NT5DC1: variants seen among roughly 807,000 people sequenced by gnomAD.
The protein encoded by NT5DC1 is 5'-nucleotidase domain-containing protein 1.
NT5DC1 carries 42 observed loss-of-function variants against 59.4 expected under a neutral mutation model. That is an observed-to-expected ratio of 0.71 (90% confidence interval 0.55 to 0.92). The LOEUF is 0.92. Among genes scored for constraint, NT5DC1 ranks in the 40% least tolerant of loss-of-function variants. The probability of loss-of-function intolerance (pLI) is 0.00; values close to 1 mark genes in which losing one functional copy is unlikely to be tolerated. For missense variants in NT5DC1, 501 were observed against 537.1 expected (o/e 0.93, Z 0.66); for synonymous variants, 172 against 188.1 (o/e 0.91, Z 0.70).
intron 6 of NT5DC1, among the ~76,000 whole-genome samples, chr6:116,172,633 A>G (rs1780636968): frequency 6.6e-6 from 1 of 152,136 alleles, no homozygotes; most frequent in African/African-American, 2.4e-5. Context: ...CCTTAGTAAC[A>G]TATATACTTT....
intron 6 of NT5DC1, among the ~76,000 whole-genome samples, chr6:116,175,834 C>G (rs1780722468): frequency 6.6e-6 from 1 of 152,014 alleles, no homozygotes; most frequent in Non-Finnish European, 1.5e-5. Flanking sequence ...TCACTAGATC[C>G]TTTAACAGTT....
intron 8 of NT5DC1, among the ~76,000 whole-genome samples, chr6:116,234,900 C>T (rs1169752758): frequency 1.3e-5 from 2 of 152,104 alleles, no homozygotes; most frequent in African/African-American, 2.4e-5. Context: ...GCTGTGGAGG[C>T]TCTGCCAAAA....
At chr6:116,127,403 C>T (rs1416891045) in intron 6 of NT5DC1, among the ~76,000 whole-genome samples, 1 of 152,118 alleles carries the variant, frequency 6.6e-6, no homozygotes, top group Non-Finnish European at 1.5e-5. Context: ...AAAAAATTTA[C>T]ATTGTTGTAT....
chr6:116,232,057 C>T (rs545095855), intron 8 of NT5DC1, among the ~76,000 whole-genome samples: 2 of 152,208 alleles, frequency 1.3e-5, no homozygotes, highest in Admixed American at 1.3e-4. Context: ...CTTCTAAGGC[C>T]TCTCTCTTCT....
At chr6:116,136,160 G>A (rs1779596102) in intron 6 of NT5DC1, among the ~76,000 whole-genome samples, 1 of 151,848 alleles carries the variant, frequency 6.6e-6, no homozygotes, top group South Asian at 2.1e-4. Flanking sequence ...ACTTTTTTAG[G>A]TTACACGTAT....
chr6:116,150,203 G>A (rs1780003718), intron 6 of NT5DC1, among the ~76,000 whole-genome samples: 1 of 152,138 alleles, frequency 6.6e-6, no homozygotes, highest in Admixed American at 6.5e-5. Flanking sequence ...ACATTACTAT[G>A]GCTTTCACAT....
intron 6 of NT5DC1, among the ~76,000 whole-genome samples, chr6:116,214,406 A>G (rs1781649675): frequency 6.6e-6 from 1 of 152,176 alleles, no homozygotes; most frequent in African/African-American, 2.4e-5. Flanking sequence ...AACGTTAAAT[A>G]TGCATAATCT....
At chr6:116,139,232 T>G (rs575312242) in intron 6 of NT5DC1, among the ~76,000 whole-genome samples, 15 of 152,214 alleles carry the variant, frequency 9.9e-5, no homozygotes, top group South Asian at 4.1e-4. Flanking sequence ...GTGGATTTTT[T>G]GGGGGAAAGA....
intron 6 of NT5DC1, among the ~76,000 whole-genome samples, chr6:116,147,005 A>G (rs928313627): frequency 2.7e-5 from 4 of 148,148 alleles, no homozygotes; most frequent in Non-Finnish European, 6.0e-5. Flanking sequence ...TATAAAATAT[A>G]TATATATATT....
At chr6:116,138,777 T>C (rs1430097339) in intron 6 of NT5DC1, among the ~76,000 whole-genome samples, 1 of 152,140 alleles carries the variant, frequency 6.6e-6, no homozygotes, top group African/African-American at 2.4e-5. Context: ...TTGTATAGAA[T>C]TGTATATTTA....
chr6:116,197,008 G>T (rs1004063858), intron 6 of NT5DC1, among the ~76,000 whole-genome samples: 1 of 151,526 alleles, frequency 6.6e-6, no homozygotes, highest in Non-Finnish European at 1.5e-5. Context: ...CAGACCTGGT[G>T]TCTGAGGGCT....
chr6:116,163,141 A>AAAAAATAT lies in NT5DC1; in HGVS notation c.529+45197_529+45198insAAAATATA, dbSNP rs761718922. Among the ~76,000 whole-genome samples, 425 of 88,310 alleles carry AAAAAATAT rather than the reference A, an allele frequency of 4.8e-3. 14 individuals are homozygous for AAAAAATAT. Among genetic ancestry groups the AAAAAATAT allele is most frequent in the African/African-American group, 0.02 (348 of 17,272 alleles). The allele number at this position is 88,310 out of a possible 152,430, so 57.9% of individuals were successfully genotyped here. On this transcript the variant is annotated intron_variant, in intron 6 of 11. Coordinates refer to ENST00000319550, the MANE Select transcript of NT5DC1 (RefSeq NM_152729.3). ...GACTCCGTCTCAAAAAAAAAAAAAA[A>AAAAAATAT]ATATATATATATATATATATATTAG...
chr6:116,219,978 AAAAAAAC>A (rs1562170476), intron 6 of NT5DC1, among the ~76,000 whole-genome samples: 2 of 149,620 alleles, frequency 1.3e-5, no homozygotes, highest in East Asian at 1.9e-4. Flanking sequence ...AAAAAAAAAA[AAAAAAAC>A]AACTCTTCTT....
intron 8 of NT5DC1, among the ~76,000 whole-genome samples, chr6:116,225,686 A>G (rs746228200): frequency 2.6e-5 from 4 of 152,230 alleles, no homozygotes; most frequent in African/African-American, 4.8e-5. Flanking sequence ...CATTGGAGGT[A>G]TGGAACCAGG....
chr6:116,242,856 A>G (rs1350878043), intron 11 of NT5DC1, among the ~76,000 whole-genome samples: 1 of 151,946 alleles, frequency 6.6e-6, no homozygotes, highest in Non-Finnish European at 1.5e-5. Flanking sequence ...TAGCCCCTCA[A>G]TTTTTGTCTC....
intron 6 of NT5DC1, among the ~76,000 whole-genome samples, chr6:116,182,631 C>T (rs1020681450): frequency 7.2e-5 from 11 of 151,868 alleles, no homozygotes; most frequent in Non-Finnish European, 1.5e-4. Flanking sequence ...TTTCCCTGAT[C>T]GCTAGTGATG....
chr6:116,155,630 G>A (rs1198529853), intron 6 of NT5DC1, among the ~76,000 whole-genome samples: 1 of 151,870 alleles, frequency 6.6e-6, no homozygotes, highest in African/African-American at 2.4e-5. Context: ...TATGAGTGAG[G>A]TTACTCCATT....
Position 116,239,045 on chromosome 6 carries a change from T to C in NT5DC1, c.1174T>C (p.Ser392Pro). 6.2e-7 allele frequency: 1 copy of C among 1,609,384 alleles called. No homozygotes were observed. Among genetic ancestry groups the C allele is most frequent in the South Asian group, 1.1e-5 (1 of 90,974 alleles). ...SVLGLENTED[S>P]LVYTWSCKRI... ...TTTGGGACTGGAAAATACAGAAGAC[T>C]CCTTGGTTTATACATGGTCTTGTAA... is the stretch of plus-strand genomic sequence containing the variant. The change falls in exon 11 of 12, where the codon TCC (serine) becomes CCC (proline). Residue 392 changes from serine (S) to proline (P), a missense_variant. Coordinates refer to ENST00000319550, the MANE Select transcript of NT5DC1 (RefSeq NM_152729.3).
At chr6:116,109,189 A>G (rs1316829074) in intron 3 of NT5DC1, among the ~76,000 whole-genome samples, 1 of 152,220 alleles carries the variant, frequency 6.6e-6, no homozygotes, top group Non-Finnish European at 1.5e-5. Flanking sequence ...AAACAGGATC[A>G]GAATCAAAGG....
Sources: gnomAD v4.1 joint callset for allele counts (sites outside exome capture counted in the v4.1 genomes callset) on GRCh38, gnomAD v4.1.1 for gene constraint, MANE v1.5 for transcripts, NCBI Gene and HGNC (gene_info 2026-07-23, HGNC 2026-07-21) for gene names.